USP34: variants seen among roughly 807,000 people sequenced by gnomAD.
USP34 encodes the protein ubiquitin specific peptidase 34.
In USP34, 70 loss-of-function variants were observed where a neutral mutation model predicts 460.3. The ratio of observed to expected loss-of-function variants is 0.15; its 90% confidence interval spans 0.13 to 0.19. The LOEUF is 0.19. Among genes scored for constraint, USP34 ranks in the 10% least tolerant of loss-of-function variants. USP34 has a pLI of 1.00. For synonymous variants in USP34, 1,647 were observed against 1,405.3 expected (o/e 1.17, Z -3.85); for missense variants, 3,985 against 4,236.2 (o/e 0.94, Z 1.65).
chr2:61,294,422 G>C (rs563123237), intron 32 of USP34, among the ~76,000 whole-genome samples: 25 of 152,000 alleles, frequency 1.6e-4, no homozygotes, highest in Non-Finnish European at 2.6e-4. Flanking sequence ...TTTAGTCCTA[G>C]ACACTGGGAT....
intron 1 of USP34, among the ~76,000 whole-genome samples, chr2:61,443,769 A>G (rs773388049): frequency 1.3e-5 from 2 of 152,210 alleles, no homozygotes; most frequent in Non-Finnish European, 2.9e-5. Context: ...CACATTTGTC[A>G]AACCCCAACA....
chr2:61,417,047 C>A lies in USP34; in HGVS notation c.131+3699G>T, dbSNP rs572016470. 7 of 1,320,526 alleles carry A rather than the reference C, an allele frequency of 5.3e-6. No individual in the cohort carries two copies. In the African/African-American group the frequency reaches 8.7e-5, roughly 16 times the overall value. 81.8% of individuals were successfully genotyped at this position (1,320,526 alleles called of 1,614,324 possible). On this transcript the variant is annotated intron_variant, in intron 2 of 79. Transcript: ENST00000398571. ...TTCCAGATGTGGATCTTCTGGCAGC[C>A]GGGGAACTTGAACTTGGCCCTGAGC...
At chr2:61,261,832 C>T (rs1688888002) in intron 43 of USP34, among the ~76,000 whole-genome samples, 1 of 151,810 alleles carries the variant, frequency 6.6e-6, no homozygotes, top group African/African-American at 2.4e-5. Flanking sequence ...TGGCTGGGCG[C>T]GGTGGCTTAC....
At chr2:61,283,382 T>C (rs1488407560) in intron 36 of USP34, 27 bp downstream of exon 36, 5 of 1,590,468 alleles carry the variant, frequency 3.1e-6, no homozygotes, top group Non-Finnish European at 3.4e-6. Flanking sequence ...TTTTATTTAT[T>C]AAAAGTTAAC....
In USP34 at chr2:61,404,292, T is replaced by C. The variant is rs377178361; in HGVS notation, c.552+1416A>G. ...TAAAAAACAAACAAAAAAAATGTCA[T>C]AGATTCTCTAATGGCCATAATTCTT... On this transcript the variant is annotated intron_variant, in intron 3 of 79. Transcript: ENST00000398571. Among the ~76,000 whole-genome samples the C allele has an allele frequency of 5.3e-4, 80 of 152,186 alleles. No individual in the cohort carries two copies. In the South Asian group the frequency reaches 0.014, roughly 28 times the overall value.
chr2:61,301,273 G>C, intron 28 of USP34, 81 bp downstream of exon 28: 3 of 1,527,544 alleles, frequency 2.0e-6, no homozygotes, highest in South Asian at 1.2e-5. Context: ...AATAAGAGCT[G>C]TTTTTAAACT....
rs1469448244 is a variant in USP34 at position 61,395,169 on chromosome 2, AG to A, written c.603+13del. 3 of 1,494,188 alleles carry A rather than the reference AG, an allele frequency of 2.0e-6. No individual in the cohort carries two copies. Among genetic ancestry groups the A allele is most frequent in the South Asian group, 1.2e-5 (1 of 80,816 alleles). 92.6% of individuals were successfully genotyped at this position (1,494,188 alleles called of 1,614,324 possible). ...AAAATTTTCCATAAAAGAATAAAAAAGGTAAACACTTACATTCATATCACAG... is the reference window on the plus strand; with the variant it reads ...AAAATTTTCCATAAAAGAATAAAAAAGTAAACACTTACATTCATATCACAG... On this transcript the variant is annotated intron_variant, in intron 4 of 79. Coordinates refer to ENST00000398571, the MANE Select transcript of USP34 (RefSeq NM_014709.4).
At position 61,247,261 on chromosome 2, in the gene USP34, T is replaced by C. The variant is rs189779378; in HGVS notation, c.6395-784A>G. The stretch of plus-strand genomic sequence containing the variant: ...AGTAGAATACAGAATAAGGAAATGA[T>C]GAGATCTGGCTGACTTGAGGGTACA... On this transcript the variant is annotated intron_variant, in intron 49 of 79. Transcript: ENST00000398571. Among the ~76,000 whole-genome samples the C allele has an allele frequency of 7.9e-5, 12 of 152,294 alleles. No individual in the cohort carries two copies. The East Asian group carries it at 9.6e-4, about 12-fold the overall frequency.
chr2:61,427,804 C>T (rs1024210286), intron 1 of USP34, among the ~76,000 whole-genome samples: 3 of 152,022 alleles, frequency 2.0e-5, no homozygotes, highest in African/African-American at 2.4e-5. Flanking sequence ...AAAAAGAAAA[C>T]GGAATTTCTA....
At chr2:61,416,821 T>TGG (rs55720314) in intron 2 of USP34, 7,015 of 217,816 alleles carry the variant, frequency 0.032, 216 homozygotes, top group African/African-American at 0.084. Flanking sequence ...TTTTTTTTTT[T>TGG]GGGGGGGGGG....
At chr2:61,448,836 C>A (rs1695190556) in intron 1 of USP34, among the ~76,000 whole-genome samples, 1 of 152,056 alleles carries the variant, frequency 6.6e-6, no homozygotes, top group Non-Finnish European at 1.5e-5. Flanking sequence ...TTATTCTTTG[C>A]CCAAAATGTA....
At chr2:61,263,173 A>T (rs1336057836) in intron 43 of USP34, among the ~76,000 whole-genome samples, 2 of 97,780 alleles carry the variant, frequency 2.0e-5, no homozygotes, top group Non-Finnish European at 3.9e-5. Context: ...CACACATGGA[A>T]TTTTTTTTTT....
chr2:61,324,949 A>G (rs1691039796), intron 21 of USP34, among the ~76,000 whole-genome samples: 1 of 152,182 alleles, frequency 6.6e-6, no homozygotes, highest in Admixed American at 6.5e-5. Flanking sequence ...TTGCAGCAAC[A>G]TAAATGGAAC....
chr2:61,211,762 A>G lies in USP34; in HGVS notation c.8840+10T>C, dbSNP rs1687278876. On this transcript the variant is annotated intron_variant, in intron 69 of 79. Coordinates refer to ENST00000398571, the MANE Select transcript of USP34 (RefSeq NM_014709.4). ...AAATAAACAAGACAAAACTAAAAAC[A>G]TCTTTTTACCTTATTAAAGTAGTCC... 11 of 1,552,038 alleles carry G rather than the reference A, an allele frequency of 7.1e-6. No individual in the cohort carries two copies. Among genetic ancestry groups the G allele is most frequent in the Non-Finnish European group, 9.5e-6 (11 of 1,159,710 alleles).
intron 41 of USP34, among the ~76,000 whole-genome samples, chr2:61,268,124 C>T (rs529681298): frequency 6.4e-4 from 98 of 152,168 alleles, no homozygotes; most frequent in Non-Finnish European, 1.1e-3. Context: ...AGAACCTACA[C>T]AGACTATGAC....
intron 16 of USP34, among the ~76,000 whole-genome samples, chr2:61,342,004 C>T (rs942956771): frequency 6.6e-6 from 1 of 151,980 alleles, no homozygotes; most frequent in African/African-American, 2.4e-5. Context: ...CTCAGATGAT[C>T]CACCTGTCTC....
rs565589656 is a variant in USP34 at position 61,323,848 on chromosome 2, G to A, written c.3013+1527C>T. 8.6e-5 allele frequency among the ~76,000 whole-genome samples: 13 copies of A among 152,046 alleles called. No homozygotes were observed. In the South Asian group the frequency reaches 2.7e-3, roughly 32 times the overall value. On this transcript the variant is annotated intron_variant, in intron 21 of 79. Coordinates refer to ENST00000398571, the MANE Select transcript of USP34 (RefSeq NM_014709.4). Reference sequence around the variant, plus strand: ...TTCTTGAATGTTATCAGTCATAATGGGTCAATAAATGACGTAATAACACGA... The same window carrying A: ...TTCTTGAATGTTATCAGTCATAATGAGTCAATAAATGACGTAATAACACGA...
At chr2:61,454,872 T>G (rs1171554198) in intron 1 of USP34, among the ~76,000 whole-genome samples, 1 of 133,486 alleles carries the variant, frequency 7.5e-6, no homozygotes, top group East Asian at 2.0e-4. Flanking sequence ...TTTTTTTTCT[T>G]TTTTTTTTTT....
intron 48 of USP34, among the ~76,000 whole-genome samples, chr2:61,252,563 G>C (rs1162399185): frequency 1.3e-5 from 2 of 152,140 alleles, no homozygotes; most frequent in African/African-American, 2.4e-5. Context: ...AATATCAAAC[G>C]AGAATTTATT....
Sources: gnomAD v4.1 joint callset for allele counts (sites outside exome capture counted in the v4.1 genomes callset) on GRCh38, gnomAD v4.1.1 for gene constraint, MANE v1.5 for transcripts, NCBI Gene and HGNC (gene_info 2026-07-23, HGNC 2026-07-21) for gene names.